Variants in CECR2 observed in about 807,000 individuals in gnomAD.
CECR2 encodes the protein CECR2 histone acetyl-lysine reader.
A neutral mutation model predicts 154.5 loss-of-function variants in CECR2; 30 were observed. The ratio of observed to expected loss-of-function variants is 0.19; its 90% CI spans 0.15 to 0.26. The LOEUF (loss-of-function observed/expected upper bound fraction) is 0.26, where lower values mean the gene tolerates loss of function less well. Ranked by LOEUF, CECR2 falls within the 10% of genes least tolerant of loss-of-function variation. The pLI is 1.00. For synonymous variants in CECR2, 725 were observed against 683.7 expected (o/e 1.06, Z -0.94); for missense variants, 1,743 against 1,829.3 (o/e 0.95, Z 0.86).
At chr22:17,480,457 C>CAGAG (rs1389702346) in intron 2 of CECR2, among the ~76,000 whole-genome samples, 2 of 110,062 alleles carry the variant, frequency 1.8e-5, no homozygotes, top group Non-Finnish European at 4.5e-5. Context: ...CACACACACA[C>CAGAG]ACAGAGAAAA....
chr22:17,423,310 G>C (rs971518940), intron 1 of CECR2, among the ~76,000 whole-genome samples: 1 of 151,842 alleles, frequency 6.6e-6, no homozygotes, highest in East Asian at 1.9e-4. Flanking sequence ...CTTCCCCTGC[G>C]TCAGTTAGGC....
intron 1 of CECR2, among the ~76,000 whole-genome samples, chr22:17,416,465 G>A (rs1204918441): frequency 6.6e-6 from 1 of 152,086 alleles, no homozygotes; most frequent in Non-Finnish European, 1.5e-5. Context: ...AGGGTATGTT[G>A]GTTAGGATTT....
intron 1 of CECR2, among the ~76,000 whole-genome samples, chr22:17,422,853 C>A (rs2054277311): frequency 6.6e-6 from 1 of 152,086 alleles, no homozygotes; most frequent in Admixed American, 6.6e-5. Flanking sequence ...TCTGGCACTT[C>A]TTTTCATTTT....
chr22:17,527,430 C>A (rs2056283251), intron 9 of CECR2, among the ~76,000 whole-genome samples: 1 of 151,950 alleles, frequency 6.6e-6, no homozygotes, highest in African/African-American at 2.4e-5. Flanking sequence ...TGCACTCCAT[C>A]CTGGGCAATA....
At chr22:17,399,345 T>G (rs988053642) in intron 1 of CECR2, among the ~76,000 whole-genome samples, 1 of 152,132 alleles carries the variant, frequency 6.6e-6, no homozygotes, top group African/African-American at 2.4e-5. Context: ...GTCCAAAGTC[T>G]TCTCCTGGGA....
chr22:17,407,878 C>T (rs1333981125), intron 1 of CECR2, among the ~76,000 whole-genome samples: 2 of 152,138 alleles, frequency 1.3e-5, no homozygotes, highest in African/African-American at 4.8e-5. Context: ...TCCAAAATGT[C>T]AGTACTGCTG....
intron 1 of CECR2, among the ~76,000 whole-genome samples, chr22:17,360,553 C>T (rs192795365): frequency 2.0e-5 from 3 of 152,050 alleles, no homozygotes; most frequent in East Asian, 1.9e-4. Flanking sequence ...CATGGTGGCT[C>T]GTAATCCCAG....
chr22:17,444,900 A>C (rs1257316793), intron 1 of CECR2, among the ~76,000 whole-genome samples: 1 of 152,212 alleles, frequency 6.6e-6, no homozygotes, highest in East Asian at 1.9e-4. Flanking sequence ...GATACAGATA[A>C]TAATCTGATC....
intron 1 of CECR2, among the ~76,000 whole-genome samples, chr22:17,413,390 C>T (rs368893237): frequency 5.9e-5 from 9 of 152,114 alleles, no homozygotes; most frequent in Admixed American, 1.3e-4. Flanking sequence ...TTTTGAGGCA[C>T]GTTCTTAATG....
At chr22:17,487,987 A>C (rs1182468925) in intron 2 of CECR2, among the ~76,000 whole-genome samples, 6 of 151,980 alleles carry the variant, frequency 3.9e-5, no homozygotes, top group Non-Finnish European at 7.4e-5. Context: ...GGTTCAAATG[A>C]TTCTTCTGCC....
intron 1 of CECR2, among the ~76,000 whole-genome samples, chr22:17,394,172 C>T (rs1182097502): frequency 6.7e-6 from 1 of 150,010 alleles, no homozygotes; most frequent in Non-Finnish European, 1.5e-5. Flanking sequence ...CAGGCGTGAG[C>T]CACCGCGCCC....
intron 9 of CECR2, among the ~76,000 whole-genome samples, chr22:17,526,794 G>GT (rs2083481800): frequency 8.7e-6 from 1 of 115,364 alleles, no homozygotes; most frequent in African/African-American, 3.3e-5. Context: ...GTGTGACAGA[G>GT]TAAGACTCCA....
At chr22:17,518,608 G>T in intron 8 of CECR2, 1 of 398,382 alleles carries the variant, frequency 2.5e-6, no homozygotes, top group Non-Finnish European at 5.0e-6. Context: ...CTTTAGGACG[G>T]ATGGTTTCCC....
intron 2 of CECR2, 123 bp from the exon 3 acceptor site, chr22:17,497,280 A>G (rs554621497): frequency 3.3e-6 from 3 of 909,242 alleles, no homozygotes; most frequent in South Asian, 3.5e-5. Context: ...ACAGAGCGAG[A>G]CCCTGTCTGT....
intron 1 of CECR2, among the ~76,000 whole-genome samples, chr22:17,453,663 A>G (rs2054807396): frequency 6.6e-6 from 1 of 152,190 alleles, no homozygotes; most frequent in South Asian, 2.1e-4. Flanking sequence ...AATGATACCA[A>G]CATGACTGGC....
intron 2 of CECR2, among the ~76,000 whole-genome samples, chr22:17,491,948 T>C (rs1232648893): frequency 6.6e-6 from 1 of 152,214 alleles, no homozygotes; most frequent in Non-Finnish European, 1.5e-5. Context: ...GATTTTAGTA[T>C]GTGGGATATA....
intron 1 of CECR2, among the ~76,000 whole-genome samples, chr22:17,399,224 C>T (rs2053856737): frequency 6.6e-6 from 1 of 152,140 alleles, no homozygotes; most frequent in African/African-American, 2.4e-5. Flanking sequence ...CTGGCTTTAG[C>T]TCCAAGTTTT....
At chr22:17,528,369 C>T (rs536919603) in intron 9 of CECR2, among the ~76,000 whole-genome samples, 38 of 152,002 alleles carry the variant, frequency 2.5e-4, no homozygotes, top group African/African-American at 5.3e-4. Flanking sequence ...TAATTGAACC[C>T]GTGGAGATAG....
intron 2 of CECR2, among the ~76,000 whole-genome samples, chr22:17,494,232 G>A (rs535621044): frequency 1.3e-5 from 2 of 152,336 alleles, no homozygotes; most frequent in South Asian, 4.1e-4. Flanking sequence ...GAGTAGCTGG[G>A]ATTACAGGCA....
Sources: gnomAD v4.1 joint callset for allele counts (sites outside exome capture counted in the v4.1 genomes callset) on GRCh38, gnomAD v4.1.1 for gene constraint, MANE v1.5 for transcripts, NCBI Gene and HGNC (gene_info 2026-07-23, HGNC 2026-07-21) for gene names.